The following EFHD1 variants were observed in gnomAD, a reference collection of about 807,000 sequenced individuals.
EFHD1 encodes EF-hand domain-containing protein D1.
Under a neutral mutation model 17.2 loss-of-function variants are expected in EFHD1, and 10 were observed. The observed-to-expected ratio is 0.58, with a 90% CI of 0.36 to 0.99. The LOEUF is 0.99. EFHD1 is among the 50% of genes least tolerant of loss of function. The probability of loss-of-function intolerance (pLI) is 0.01; values close to 1 mark genes in which losing one functional copy is unlikely to be tolerated. For synonymous variants in EFHD1, 153 were observed against 142.0 expected (o/e 1.08, Z -0.55); for missense variants, 310 against 327.5 (o/e 0.95, Z 0.41).
At chr2:232,654,438 T>TTTG (rs1419276220) in intron 1 of EFHD1, among the ~76,000 whole-genome samples, 1 of 145,526 alleles carries the variant, frequency 6.9e-6, no homozygotes, top group Non-Finnish European at 1.5e-5. Context: ...TTTTTTTTTT[T>TTTG]GAGACAGAGT....
At chr2:232,622,831 T>A (rs1694044675) in intron 1 of EFHD1, among the ~76,000 whole-genome samples, 1 of 152,098 alleles carries the variant, frequency 6.6e-6, no homozygotes, top group Non-Finnish European at 1.5e-5. Context: ...GAGCAGCAAG[T>A]GTAAAATACA....
intron 1 of EFHD1, among the ~76,000 whole-genome samples, chr2:232,656,212 G>T (rs1186236241): frequency 6.6e-6 from 1 of 152,112 alleles, no homozygotes; most frequent in Non-Finnish European, 1.5e-5. Context: ...ACCATGATGA[G>T]GTGGGTAGGA....
At chr2:232,671,126 A>C (rs1695061101) in intron 2 of EFHD1, among the ~76,000 whole-genome samples, 1 of 152,194 alleles carries the variant, frequency 6.6e-6, no homozygotes, top group African/African-American at 2.4e-5. Flanking sequence ...TCTTATTTTC[A>C]GTAAACATTT....
rs529502381 is a variant in EFHD1 at position 232,662,684 on chromosome 2, C to A, written c.303-118C>A. ...CTCTGGAGCAGGTGACCCACATTGGCCTCGCAGAGCGGGAGGTATTTGAGT... is the reference window on the plus strand; with the variant it reads ...CTCTGGAGCAGGTGACCCACATTGGACTCGCAGAGCGGGAGGTATTTGAGT... On this transcript the variant is annotated intron_variant, in intron 1 of 3. Transcript: ENST00000264059. 52 of 1,389,342 alleles carry A rather than the reference C, an allele frequency of 3.7e-5. No individual in the cohort carries two copies. The African/African-American group carries it at 6.9e-4, about 18-fold the overall frequency. The allele number at this position is 1,389,342 out of a possible 1,614,324, so 86.1% of individuals were successfully genotyped here.
upstream of EFHD1, among the ~76,000 whole-genome samples, chr2:232,630,784 T>TAAA (rs35113329): frequency 7.4e-6 from 1 of 134,918 alleles, no homozygotes; most frequent in African/African-American, 2.8e-5. Context: ...TCATCTCTAT[T>TAAA]AAAAAAAAAA....
chr2:232,633,791 C>T lies in EFHD1; in HGVS notation c.87C>T (p.Leu29=), dbSNP rs1301178045. The T allele has an allele frequency of 7.6e-6, 11 of 1,456,022 alleles. No homozygotes were observed. Among genetic ancestry groups the T allele is most frequent in the Non-Finnish European group, 9.9e-6 (11 of 1,112,740 alleles). The allele number at this position is 1,456,022 out of a possible 1,614,324, so 90.2% of individuals were successfully genotyped here. The change falls in exon 1 of 4, where the codon CTC becomes CTT. Residue 29 remains leucine, a synonymous_variant. Coordinates refer to ENST00000264059, the MANE Select transcript of EFHD1 (RefSeq NM_025202.4). ...AGAGTGGCCCCCAGCTGGCTCCCCT[C>T]GGCGCCCCAGCCCCGGAGCCCAAGC... The part of the protein sequence containing the change: ...AEESGPQLAP[L]GAPAPEPKPE...
intron 1 of EFHD1, among the ~76,000 whole-genome samples, chr2:232,617,458 G>C (rs1043147485): frequency 6.6e-6 from 1 of 150,610 alleles, no homozygotes; most frequent in African/African-American, 2.4e-5. Flanking sequence ...GACTATCCTG[G>C]CTGACACGGC....
intron 1 of EFHD1, among the ~76,000 whole-genome samples, chr2:232,641,644 G>A (rs1025839657): frequency 3.9e-5 from 6 of 152,232 alleles, no homozygotes; most frequent in Admixed American, 3.9e-4. Context: ...ATATGCAAAT[G>A]GCATGGCATG....
chr2:232,628,743 A>G (rs1694149884), upstream of EFHD1, among the ~76,000 whole-genome samples: 1 of 152,188 alleles, frequency 6.6e-6, no homozygotes, highest in South Asian at 2.1e-4. Flanking sequence ...GGCAGATTAT[A>G]ACATCCAAAA....
In EFHD1 at chr2:232,662,886, G is replaced by A; in HGVS notation, c.387G>A (p.Leu129=). Residue 129 remains leucine (L), a synonymous_variant, in exon 2 of 4, where the codon CTG becomes CTA. Transcript: ENST00000264059. ...MEKLGAPQTH[L]GLKSMIKEVD... is the part of the protein sequence containing the mutation. The stretch of plus-strand genomic sequence containing the variant: ...AGCTGGGGGCCCCCCAGACCCACCT[G>A]GGCCTGAAGAGCATGATCAAGGAGG... 2 of 1,594,620 alleles carry A rather than the reference G, an allele frequency of 1.3e-6. No individual in the cohort carries two copies. Among genetic ancestry groups the A allele is most frequent in the African/African-American group, 1.4e-5 (1 of 73,618 alleles).
intron 3 of EFHD1, 44 bp from the exon 4 acceptor site, chr2:232,681,541 G>T: frequency 6.3e-7 from 1 of 1,598,928 alleles, no homozygotes; most frequent in Non-Finnish European, 8.5e-7. Flanking sequence ...AGGGTCCTCT[G>T]CCCTCCCTTA....
At chr2:232,614,692 T>A (rs923217852) in intron 1 of EFHD1, among the ~76,000 whole-genome samples, 2 of 152,180 alleles carry the variant, frequency 1.3e-5, no homozygotes, top group African/African-American at 4.8e-5. Context: ...TAAAAATCAT[T>A]TGGCCAGGCG....
At chr2:232,654,231 AGAAG>A in intron 1 of EFHD1, among the ~76,000 whole-genome samples, 1 of 150,672 alleles carries the variant, frequency 6.6e-6, no homozygotes, top group Non-Finnish European at 1.5e-5. Flanking sequence ...AAGAAAAGAA[AGAAG>A]TTGGAATTCC....
At chr2:232,652,409 A>G (rs1395602216) in intron 1 of EFHD1, among the ~76,000 whole-genome samples, 1 of 152,128 alleles carries the variant, frequency 6.6e-6, no homozygotes, top group Non-Finnish European at 1.5e-5. Flanking sequence ...GTTCACGGGT[A>G]CATCGTTCCT....
chr2:232,660,261 C>G (rs1574725852), intron 1 of EFHD1, among the ~76,000 whole-genome samples: 1 of 151,810 alleles, frequency 6.6e-6, no homozygotes, highest in Non-Finnish European at 1.5e-5. Flanking sequence ...GTGGCACGAC[C>G]TCGGCTTACT....
At chr2:232,662,260 G>GACA (rs1694884820) in intron 1 of EFHD1, among the ~76,000 whole-genome samples, 1 of 152,152 alleles carries the variant, frequency 6.6e-6, no homozygotes, top group African/African-American at 2.4e-5. Context: ...GAGCGAACCA[G>GACA]AGGGGAATCA....
upstream of EFHD1, among the ~76,000 whole-genome samples, chr2:232,631,498 A>T (rs1694200419): frequency 6.6e-6 from 1 of 150,662 alleles, no homozygotes; most frequent in Non-Finnish European, 1.5e-5. Flanking sequence ...TTTTTTGTAC[A>T]CAAGGTTTTG....
rs79066912 is a variant in EFHD1, at chr2:232,606,289, G to A, written c.14+116G>A. ...GCGGTAATTCCTGGCTTTCGCCACC[G>A]GAGGGCACTCCCGGCCCTCGCTTCC... On this transcript the variant is annotated intron_variant, in intron 1 of 3. Coordinates refer to the EFHD1 transcript ENST00000409613. The A allele has an allele frequency of 4.3e-3, 5,391 of 1,267,728 alleles. 198 individuals are homozygous for A. In the African/African-American group the frequency reaches 0.072, roughly 17 times the overall value. 78.5% of individuals were successfully genotyped at this position (1,267,728 alleles called of 1,614,324 possible).
chr2:232,660,669 A>G (rs572714029), intron 1 of EFHD1, among the ~76,000 whole-genome samples: 1 of 152,202 alleles, frequency 6.6e-6, no homozygotes, highest in Admixed American at 6.5e-5. Context: ...AAATTGTGGT[A>G]AAATGCACTT....
Sources: allele counts gnomAD v4.1 joint callset (sites outside exome capture counted in the v4.1 genomes callset), GRCh38; gene constraint gnomAD v4.1.1; transcripts MANE v1.5; gene names NCBI Gene and HGNC (gene_info 2026-07-23, HGNC 2026-07-21).